Variants in ITGA2B observed in about 807,000 individuals in gnomAD.
The protein encoded by ITGA2B is integrin alpha-IIb.
Under a neutral mutation model 142.0 loss-of-function variants are expected in ITGA2B, and 91 were observed. The observed-to-expected ratio is 0.64, with a 90% CI of 0.54 to 0.76. The LOEUF (loss-of-function observed/expected upper bound fraction) is 0.76, where lower values mean the gene tolerates loss of function less well. Ranked by LOEUF, ITGA2B falls within the 30% of genes least tolerant of loss-of-function variation. The pLI, the probability that ITGA2B is intolerant of heterozygous loss-of-function variation, is 0.00. For missense variants in ITGA2B, 1,231 were observed against 1,350.8 expected, an observed-to-expected ratio of 0.91 and a Z score of 1.39; for synonymous variants, 536 against 567.2, an observed-to-expected ratio of 0.94 and a Z score of 0.78.
chr17:44,374,859 A>T (rs2048525882), intron 27 of ITGA2B, 99 bp from the exon 28 acceptor site: 1 of 1,263,820 alleles, frequency 7.9e-7, no homozygotes, highest in Non-Finnish European at 1.1e-6. Flanking sequence ...CCTGCCTCTG[A>T]CCTAATCCCA....
intron 29 of ITGA2B, among the ~76,000 whole-genome samples, chr17:44,372,639 C>CT (rs1160599771): frequency 2.0e-5 from 3 of 151,702 alleles, no homozygotes; most frequent in Admixed American, 6.6e-5. Context: ...TTATTTTTTT[C>CT]TTTTTTTTAG....
At chr17:44,377,125 G>T in intron 21 of ITGA2B, 37 bp from the exon 22 acceptor site, 2 of 1,491,760 alleles carry the variant, frequency 1.3e-6, no homozygotes, top group South Asian at 1.2e-5. Flanking sequence ...CTGCCCAAGT[G>T]CCCCACTTAG....
chr17:44,379,194 T>C (rs1284519499), intron 18 of ITGA2B, among the ~76,000 whole-genome samples: 1 of 150,812 alleles, frequency 6.6e-6, no homozygotes, highest in East Asian at 1.9e-4. Flanking sequence ...GACCTCGTGA[T>C]CCACCCGCCT....
Position 44,385,345 on chromosome 17 carries a change from A to G in ITGA2B, c.575-10T>C. ...TAACGCTTGTCCCAGCCTGCAGGAG[A>G]CAAGGAGGAGGGGTCAGCGCAGGGG... On this transcript the variant is annotated splice_polypyrimidine_tract_variant and intron_variant, in intron 4 of 29. Transcript: ENST00000262407. 1 of 1,609,356 alleles carries G rather than the reference A, an allele frequency of 6.2e-7. No individual in the cohort carries two copies. The highest frequency in any genetic ancestry group is 1.3e-5 in the African/African-American group (1 of 74,950).
chr17:44,389,239 G>A (rs771661945), intron 1 of ITGA2B, 47 bp downstream of exon 1: 3 of 1,596,240 alleles, frequency 1.9e-6, no homozygotes, highest in Non-Finnish European at 2.6e-6. Flanking sequence ...CAGTGATGGG[G>A]AGGGGTCCTG....
chr17:44,387,548 G>A (rs1329218864), intron 1 of ITGA2B, among the ~76,000 whole-genome samples: 4 of 147,236 alleles, frequency 2.7e-5, no homozygotes, highest in South Asian at 2.2e-4. Flanking sequence ...AAAAAAGTCT[G>A]GGCATGGTGG....
In ITGA2B at chr17:44,376,323, T is replaced by G. The variant is rs74475415; in HGVS notation, c.2333A>C (p.Gln778Pro). The G allele has an allele frequency of 8.7e-6, 14 of 1,614,172 alleles. No homozygotes were observed. The East Asian group carries it at 2.9e-4, about 33-fold the overall frequency. The change falls in exon 23 of 30, where the codon CAA becomes CCA. Residue 778 changes from glutamine (Q) to proline (P), a missense_variant. Gln to Pro is a moderately conservative substitution (Grantham distance 76). Transcript: ENST00000262407. ...GGCCTCTCACCCTCGCAGCTCCACT[T>G]GGGCCTCTGCCCGGACCGGCACGTC... ...LLDVPVRAEA[Q>P]VELRGNSFPA...
intron 29 of ITGA2B, among the ~76,000 whole-genome samples, chr17:44,373,361 C>T (rs2048512910): frequency 6.6e-6 from 1 of 152,164 alleles, no homozygotes; most frequent in South Asian, 2.1e-4. Context: ...TGGTCTCGAA[C>T]TCCTGACCTC....
In ITGA2B at chr17:44,380,167, C is replaced by G. The variant is rs373860782; in HGVS notation, c.1601-14G>C. The G allele has an allele frequency of 7.2e-5, 116 of 1,613,464 alleles. No homozygotes were observed. Among genetic ancestry groups the G allele is most frequent in the Non-Finnish European group, 9.4e-5 (111 of 1,179,964 alleles). On this transcript the variant is annotated splice_polypyrimidine_tract_variant and intron_variant, in intron 16 of 29. Transcript: ENST00000262407. ...CGGCATTTAGGGCTGGCAGGGCAAG[C>G]AGAAGAGTCAGGACCTCCCTGGCCA...
chr17:44,384,339 G>A lies in ITGA2B; in HGVS notation c.863C>T (p.Ala288Val), dbSNP rs781623903. 6 of 1,613,636 alleles carry A rather than the reference G, an allele frequency of 3.7e-6. No individual in the cohort carries two copies. In the East Asian group the frequency reaches 1.1e-4, roughly 30 times the overall value. Reference sequence around the variant, plus strand: ...TCCCAGGGTCCAGCTCCAAGTGGGGGCACCGACGACATATTCTGGCGATAG... The same window carrying A: ...TCCCAGGGTCCAGCTCCAAGTGGGGACACCGACGACATATTCTGGCGATAG... ...DLNTTEYVVG[A>V]PTWSWTLGAV... The change falls in exon 9 of 30, where the codon GCC becomes GTC. Residue 288 changes from alanine (A) to valine (V), a missense_variant. This residue lies in a region of ITGA2B where 908 missense variants were observed against 1,021.1 expected (regional missense o/e 0.89). Coordinates refer to ENST00000262407, the MANE Select transcript of ITGA2B (RefSeq NM_000419.5).
rs1280100214 is a variant in ITGA2B at position 44,374,993 on chromosome 17, C to T, written c.2841+5G>A. The T allele has an allele frequency of 1.3e-6, 2 of 1,539,198 alleles. No homozygotes were observed. The highest frequency in any genetic ancestry group is 1.7e-6 in the Non-Finnish European group (2 of 1,145,818). Reference sequence around the variant, plus strand: ...CCGGCCCCGCCCCACCACGGCCCACCCCACCTGGTAGAGGCTGGGCAGCCA... The same window carrying T: ...CCGGCCCCGCCCCACCACGGCCCACTCCACCTGGTAGAGGCTGGGCAGCCA... On this transcript the variant is annotated splice_donor_5th_base_variant and intron_variant, in intron 27 of 29. Transcript: ENST00000262407.
chr17:44,373,363 C>T (rs1371819399), intron 29 of ITGA2B, among the ~76,000 whole-genome samples: 1 of 152,142 alleles, frequency 6.6e-6, no homozygotes, highest in African/African-American at 2.4e-5. Flanking sequence ...GTCTCGAACT[C>T]CTGACCTCAT....
At chr17:44,377,655 G>A in intron 21 of ITGA2B, 43 bp downstream of exon 21, 1 of 560,844 alleles carries the variant, frequency 1.8e-6, no homozygotes, top group South Asian at 2.6e-5. Context: ...GGTTATTCAT[G>A]AGCCCCTGGT....
At chr17:44,387,906 T>C (rs2048664682) in intron 1 of ITGA2B, among the ~76,000 whole-genome samples, 1 of 148,380 alleles carries the variant, frequency 6.7e-6, no homozygotes, top group South Asian at 2.1e-4. Context: ...GGCTGGACCC[T>C]TATCAAATGC....
chr17:44,378,421 C>G lies in ITGA2B; in HGVS notation c.2035G>C (p.Glu679Gln). 6.2e-7 allele frequency: 1 copy of G among 1,613,606 alleles called. No homozygotes were observed. The highest frequency in any genetic ancestry group is 8.5e-7 in the Non-Finnish European group (1 of 1,179,966). The change falls in exon 20 of 30, where the codon GAG becomes CAG. Residue 679 changes from glutamate to glutamine, a missense_variant. Physicochemically the swap from Glu to Gln is conservative, Grantham distance 29. This residue lies in a region of ITGA2B where 908 missense variants were observed against 1,021.1 expected (regional missense o/e 0.89). Coordinates refer to ENST00000262407, the MANE Select transcript of ITGA2B (RefSeq NM_000419.5). ...CCCTGGGGCAGGTGCACGGCCAGCTCTGCTTCATAGGCCCCCTCGCCCTCG... is the reference window on the plus strand; with the variant it reads ...CCCTGGGGCAGGTGCACGGCCAGCTGTGCTTCATAGGCCCCCTCGCCCTCG... ...ANEGEGAYEAELAVHLPQGAH... is the reference protein window; with the variant it reads ...ANEGEGAYEAQLAVHLPQGAH...
In ITGA2B at chr17:44,384,557, G is replaced by T. The variant is rs1444144961; in HGVS notation, c.828C>A (p.Asp276Glu). 6.2e-7 allele frequency: 1 copy of T among 1,614,050 alleles called. No individual in the cohort carries two copies. Among genetic ancestry groups the T allele is most frequent in the Admixed American group, 1.7e-5 (1 of 60,024 alleles). ...TCTTGCCTGTAGTGTTGAGATCCCCGTCGAACTCGCCCACGGCCACCGAGT... is the reference window on the plus strand; with the variant it reads ...TCTTGCCTGTAGTGTTGAGATCCCCTTCGAACTCGCCCACGGCCACCGAGT... ...WGYSVAVGEF[D>E]GDLNTTEYVV... is the part of the protein sequence containing the mutation. Residue 276 changes from aspartate to glutamate, a missense_variant, in exon 8 of 30, where the codon GAC (aspartate) becomes GAA (glutamate). Around this residue, in one of 3 missense-constraint regions of ITGA2B, gnomAD observed 908 missense variants for 1,021.1 expected, o/e 0.89. Transcript: ENST00000262407.
intron 7 of ITGA2B, 89 bp from the exon 8 acceptor site, chr17:44,384,674 G>C: frequency 1.4e-6 from 2 of 1,466,730 alleles, no homozygotes; most frequent in African/African-American, 2.8e-5. Flanking sequence ...AGGCCACTCA[G>C]CCCCAGCCCT....
chr17:44,379,540 C>T, intron 18 of ITGA2B, 149 bp downstream of exon 18: 1 of 1,287,282 alleles, frequency 7.8e-7, no homozygotes, highest in South Asian at 1.2e-5. Flanking sequence ...AGGTGTGAGC[C>T]ACCATGACTG....
In ITGA2B at chr17:44,372,291, G is replaced by A; in HGVS notation, c.*73C>T. 2 of 1,513,496 alleles carry A rather than the reference G, an allele frequency of 1.3e-6. No homozygotes were observed. The highest frequency in any genetic ancestry group is 2.3e-5 in the South Asian group (2 of 88,784). The allele number at this position is 1,513,496 out of a possible 1,614,324, so 93.8% of individuals were successfully genotyped here. On this transcript the variant is annotated 3_prime_UTR_variant, in exon 30 of 30. Coordinates refer to ENST00000262407, the MANE Select transcript of ITGA2B (RefSeq NM_000419.5). Reference sequence around the variant, plus strand: ...GAACAGCTCCAACCCAAAGCTTGGAGGCAACTTGTTGGAGAAGGGGCGGTG... The same window carrying A: ...GAACAGCTCCAACCCAAAGCTTGGAAGCAACTTGTTGGAGAAGGGGCGGTG...
Sources: allele counts gnomAD v4.1 joint callset (sites outside exome capture counted in the v4.1 genomes callset), GRCh38; gene constraint gnomAD v4.1.1; regional missense constraint gnomAD v4.1.1; transcripts MANE v1.5; gene names NCBI Gene and HGNC (gene_info 2026-07-23, HGNC 2026-07-21).